Variants in DENND2B observed in about 807,000 individuals in gnomAD.
DENND2B encodes DENN domain-containing protein 2B.
A neutral mutation model predicts 116.0 loss-of-function variants in DENND2B; 32 were observed. The observed-to-expected ratio is 0.28, with a 90% CI of 0.21 to 0.37. The LOEUF is 0.37. Among genes scored for constraint, DENND2B ranks in the 10% least tolerant of loss-of-function variants. The probability of loss-of-function intolerance (pLI) is 1.00; values close to 1 mark genes in which losing one functional copy is unlikely to be tolerated. For missense variants in DENND2B, 1,276 were observed against 1,477.7 expected (o/e 0.86, Z 2.24); for synonymous variants, 588 against 583.9 (o/e 1.01, Z -0.10).
chr11:8,764,941 T>TCA (rs1170811423), intron 1 of DENND2B, among the ~76,000 whole-genome samples: 928 of 21,176 alleles, frequency 0.044, 3 homozygotes, highest in Middle Eastern at 0.091. Context: ...TGAGACTGTC[T>TCA]CAAAAAAAAA....
chr11:8,867,918 G>C (rs1049465737), intron 2 of DENND2B, among the ~76,000 whole-genome samples: 2 of 152,154 alleles, frequency 1.3e-5, no homozygotes, highest in South Asian at 2.1e-4. Context: ...GAGAATATGA[G>C]AGGAAAAGGC....
chr11:8,736,820 A>G (rs565929116), intron 2 of DENND2B, among the ~76,000 whole-genome samples: 1 of 152,292 alleles, frequency 6.6e-6, no homozygotes, highest in East Asian at 1.9e-4. Flanking sequence ...GGAAGGCCCC[A>G]TGGGCCACTG....
At chr11:8,864,906 G>C (rs1162804783) in intron 2 of DENND2B, among the ~76,000 whole-genome samples, 1 of 152,050 alleles carries the variant, frequency 6.6e-6, no homozygotes, top group Non-Finnish European at 1.5e-5. Flanking sequence ...CTTGTCCTTG[G>C]CTAAATTTAC....
intron 14 of DENND2B, among the ~76,000 whole-genome samples, chr11:8,701,684 C>A (rs1346906724): frequency 1.3e-5 from 2 of 152,264 alleles, no homozygotes; most frequent in African/African-American, 2.4e-5. Flanking sequence ...GCCTGTGTCA[C>A]CCCCTAACCA....
intron 4 of DENND2B, among the ~76,000 whole-genome samples, chr11:8,829,091 T>A (rs1272274988): frequency 1.3e-5 from 2 of 149,358 alleles, no homozygotes; most frequent in Non-Finnish European, 3.0e-5. Context: ...TGTTTGTGTG[T>A]GTGGTGTGGG....
At chr11:8,832,384 G>A (rs186502225) in intron 4 of DENND2B, among the ~76,000 whole-genome samples, 12 of 151,460 alleles carry the variant, frequency 7.9e-5, no homozygotes, top group East Asian at 7.8e-4. Flanking sequence ...CCGGGGAGGC[G>A]GAGGTTGCTG....
chr11:8,871,916 G>A (rs564732907), upstream of DENND2B, among the ~76,000 whole-genome samples: 9 of 152,232 alleles, frequency 5.9e-5, no homozygotes, highest in Non-Finnish European at 1.3e-4. Flanking sequence ...TACTTAGTGA[G>A]ATGTTAGGAA....
intron 1 of DENND2B, among the ~76,000 whole-genome samples, chr11:8,792,321 A>T (rs2059452672): frequency 6.6e-6 from 1 of 152,224 alleles, no homozygotes; most frequent in Non-Finnish European, 1.5e-5. Flanking sequence ...AAACATGAAT[A>T]AATTTTTTTT....
At chr11:8,703,535 G>C (rs754451284) in intron 13 of DENND2B, 5 of 152,548 alleles carry the variant, frequency 3.3e-5, no homozygotes, top group Admixed American at 6.5e-5. Flanking sequence ...CAAAGCAGCT[G>C]TCCCTGGGGT....
upstream of DENND2B, among the ~76,000 whole-genome samples, chr11:8,875,306 G>C (rs978232510): frequency 2.0e-5 from 3 of 148,572 alleles, no homozygotes; most frequent in Non-Finnish European, 3.0e-5. Flanking sequence ...CTGGGCTACA[G>C]AGTGAGACTC....
chr11:8,774,370 C>A, intron 1 of DENND2B: 3 of 965,342 alleles, frequency 3.1e-6, no homozygotes, highest in Non-Finnish European at 3.7e-6. Context: ...TTGACAGAAA[C>A]ATGTTCTCCT....
upstream of DENND2B, among the ~76,000 whole-genome samples, chr11:8,812,463 G>A (rs11042081): frequency 2.9e-3 from 441 of 152,186 alleles, 7 homozygotes; most frequent in East Asian, 0.036. Context: ...GTTAGGATTG[G>A]CATTATTATA....
chr11:8,727,087 G>A (rs1006856394), intron 3 of DENND2B, among the ~76,000 whole-genome samples: 2 of 152,068 alleles, frequency 1.3e-5, no homozygotes, highest in Admixed American at 6.5e-5. Context: ...AGAGAGGTAC[G>A]TCCCTCATCT....
intron 9 of DENND2B, 37 bp from the exon 10 acceptor site, chr11:8,711,268 C>T: frequency 1.3e-6 from 2 of 1,598,856 alleles, no homozygotes; most frequent in Non-Finnish European, 8.6e-7. Context: ...GACATGGAAC[C>T]TGAGGGCGGG....
chr11:8,872,429 G>A (rs968947485), upstream of DENND2B, among the ~76,000 whole-genome samples: 2 of 148,374 alleles, frequency 1.3e-5, no homozygotes, highest in African/African-American at 5.0e-5. Context: ...AGAGATTGCA[G>A]TAAGCCAAGA....
intron 1 of DENND2B, among the ~76,000 whole-genome samples, chr11:8,903,024 T>G (rs939359110): frequency 2.0e-5 from 3 of 152,062 alleles, no homozygotes; most frequent in Non-Finnish European, 4.4e-5. Flanking sequence ...CACACCCAGC[T>G]AATTTTTGTA....
At chr11:8,865,549 C>T (rs1191835724) in intron 2 of DENND2B, among the ~76,000 whole-genome samples, 3 of 151,882 alleles carry the variant, frequency 2.0e-5, no homozygotes, top group South Asian at 4.2e-4. Context: ...ACAGATGGGA[C>T]AGTCTGTACA....
chr11:8,793,839 ACTTCT>A (rs1293848619), intron 1 of DENND2B, among the ~76,000 whole-genome samples: 1 of 152,238 alleles, frequency 6.6e-6, no homozygotes, highest in Non-Finnish European at 1.5e-5. Context: ...GAGGATTCTA[ACTTCT>A]CTACATTCTC....
In DENND2B at chr11:8,707,042, C is replaced by T; in HGVS notation, c.2571+43G>A. 1.3e-6 allele frequency: 2 copies of T among 1,587,738 alleles called. No homozygotes were observed. The highest frequency in any genetic ancestry group is 2.2e-5 in the East Asian group (1 of 44,562). On this transcript the variant is annotated intron_variant, in intron 13 of 19. Coordinates refer to ENST00000313726, the MANE Select transcript of DENND2B (RefSeq NM_213618.2). The surrounding 1 kb of genome is among the most constrained non-coding windows in gnomAD (Gnocchi z 4.8). ...CTTGGCCAGCATGGTCCTCCTGCCA[C>T]CCCAGCCCGTAGCCCGAGAGAAGAG... is the stretch of plus-strand genomic sequence containing the variant.
Sources: allele counts gnomAD v4.1 joint callset (sites outside exome capture counted in the v4.1 genomes callset), GRCh38; gene constraint gnomAD v4.1.1; non-coding constraint Gnocchi (gnomAD v3.1); transcripts MANE v1.5; gene names NCBI Gene and HGNC (gene_info 2026-07-23, HGNC 2026-07-21).